Variants in CNTNAP2 observed in about 807,000 individuals in gnomAD.
The protein encoded by CNTNAP2 is contactin associated protein 2.
Under a neutral mutation model 155.2 loss-of-function variants are expected in CNTNAP2, and 98 were observed. The observed-to-expected ratio is 0.63, with a 90% CI of 0.54 to 0.75. The LOEUF is 0.75. Ranked by LOEUF, CNTNAP2 falls within the 30% of genes least tolerant of loss-of-function variation. CNTNAP2 has a pLI of 0.00. For synonymous variants in CNTNAP2, 651 were observed against 631.2 expected (o/e 1.03, Z -0.47); for missense variants, 1,727 against 1,688.1 (o/e 1.02, Z -0.40).
intron 13 of CNTNAP2, among the ~76,000 whole-genome samples, chr7:147,717,120 A>G (rs1284707619): frequency 1.3e-5 from 2 of 152,110 alleles, no homozygotes; most frequent in Non-Finnish European, 2.9e-5. Context: ...TCTAAAGAAA[A>G]AAAAAGGAGA....
In CNTNAP2 at chr7:146,246,241, T is replaced by A. The variant is rs376054652; in HGVS notation, c.97+129268T>A. On this transcript the variant is annotated intron_variant, in intron 1 of 23. Coordinates refer to ENST00000361727, the MANE Select transcript of CNTNAP2 (RefSeq NM_014141.6). Reference sequence around the variant, plus strand: ...CTTATACTTGTGGGTTAAGGTGGGGTAATACAAGAGGAGGACGCAAAGGAG... The same window carrying A: ...CTTATACTTGTGGGTTAAGGTGGGGAAATACAAGAGGAGGACGCAAAGGAG... 6.2e-4 allele frequency among the ~76,000 whole-genome samples: 91 copies of A among 147,816 alleles called. 1 individual carries two copies. The highest frequency in any genetic ancestry group is 7.1e-3 in the Middle Eastern group (2 of 280).
chr7:147,064,183 T>A (rs907569745), intron 4 of CNTNAP2, among the ~76,000 whole-genome samples: 5 of 151,000 alleles, frequency 3.3e-5, no homozygotes, highest in Non-Finnish European at 7.4e-5. Flanking sequence ...TAATGTGTCA[T>A]TTTAATTTTT....
intron 1 of CNTNAP2, among the ~76,000 whole-genome samples, chr7:146,588,530 TTA>T (rs201529456): frequency 0.24 from 33,533 of 140,420 alleles, 4,589 homozygotes; most frequent in Non-Finnish European, 0.33. Flanking sequence ...TTTTTTTTTT[TTA>T]AATTTACTCT....
chr7:147,811,461 G>A lies in CNTNAP2; in HGVS notation c.2099-92104G>A, dbSNP rs572467307. On this transcript the variant is annotated intron_variant, in intron 13 of 23. Coordinates refer to ENST00000361727, the MANE Select transcript of CNTNAP2 (RefSeq NM_014141.6). ...CACCAAATCATGGCTTTCAGATCCA[G>A]AGTTACAAATTGCCTCCCAACTCAG... Among the ~76,000 whole-genome samples, 83 of 152,168 alleles carry A rather than the reference G, an allele frequency of 5.5e-4. 2 individuals carry two copies. In the South Asian group the frequency reaches 0.016, roughly 29 times the overall value.
At chr7:147,641,087 A>G in intron 13 of CNTNAP2, among the ~76,000 whole-genome samples, 1 of 152,228 alleles carries the variant, frequency 6.6e-6, no homozygotes, top group African/African-American at 2.4e-5. Context: ...CCAGTTTCTA[A>G]TGGCCGGTAT....
At chr7:147,941,403 A>G (rs1034171086) in intron 14 of CNTNAP2, among the ~76,000 whole-genome samples, 4 of 152,160 alleles carry the variant, frequency 2.6e-5, no homozygotes, top group African/African-American at 4.8e-5. Flanking sequence ...TTTTCTGGAA[A>G]TAGGTCTCCT....
At chr7:146,188,716 CCCA>C (rs933904309) in intron 1 of CNTNAP2, among the ~76,000 whole-genome samples, 8 of 152,120 alleles carry the variant, frequency 5.3e-5, no homozygotes, top group Admixed American at 4.6e-4. Flanking sequence ...AATCAGCATA[CCCA>C]CCACCAACCA....
chr7:146,288,496 T>G (rs1800374983), intron 1 of CNTNAP2, among the ~76,000 whole-genome samples: 1 of 152,064 alleles, frequency 6.6e-6, no homozygotes, highest in Non-Finnish European at 1.5e-5. Context: ...TAATGTTGTT[T>G]GATTAGACGT....
At chr7:146,133,234 TC>T (rs1271841506) in intron 1 of CNTNAP2, among the ~76,000 whole-genome samples, 2 of 152,232 alleles carry the variant, frequency 1.3e-5, no homozygotes, top group Non-Finnish European at 2.9e-5. Context: ...TCTGTTCATG[TC>T]CTTTGCCCAC....
At chr7:147,737,430 C>T (rs1014580411) in intron 13 of CNTNAP2, among the ~76,000 whole-genome samples, 2 of 152,122 alleles carry the variant, frequency 1.3e-5, no homozygotes, top group South Asian at 2.1e-4. Flanking sequence ...TCAGTCTGCC[C>T]CTACTGGGGG....
At chr7:147,572,364 C>T (rs912299359) in intron 12 of CNTNAP2, among the ~76,000 whole-genome samples, 2 of 147,650 alleles carry the variant, frequency 1.4e-5, no homozygotes, top group Admixed American at 6.6e-5. Context: ...GGAGAGGACC[C>T]AGAAAGGGGG....
chr7:146,869,042 C>T (rs182697345), intron 3 of CNTNAP2, among the ~76,000 whole-genome samples: 13 of 152,290 alleles, frequency 8.5e-5, no homozygotes, highest in Non-Finnish European at 1.5e-4. Context: ...GCTAGGACTT[C>T]CAATCCTATG....
intron 15 of CNTNAP2, 90 bp from the exon 16 acceptor site, chr7:148,118,028 T>C (rs560759993): frequency 1.5e-6 from 2 of 1,306,034 alleles, no homozygotes; most frequent in East Asian, 2.3e-5. Context: ...TTGCTAATGG[T>C]ACTTATTAAA....
At chr7:148,151,676 T>G (rs1427127903) in intron 17 of CNTNAP2, among the ~76,000 whole-genome samples, 2 of 152,216 alleles carry the variant, frequency 1.3e-5, no homozygotes. Flanking sequence ...TCTTCCTCCA[T>G]GTAATAGTTA....
intron 8 of CNTNAP2, among the ~76,000 whole-genome samples, chr7:147,141,379 C>T (rs1411340176): frequency 3.3e-5 from 5 of 152,040 alleles, no homozygotes; most frequent in African/African-American, 7.2e-5. Context: ...AGGGTATAGG[C>T]GTTATGAGCA....
At chr7:147,986,542 T>G (rs566842011) in intron 15 of CNTNAP2, among the ~76,000 whole-genome samples, 1 of 152,260 alleles carries the variant, frequency 6.6e-6, no homozygotes, top group East Asian at 1.9e-4. Context: ...ATTTTACAGA[T>G]CAGGGGTCTG....
At chr7:146,895,613 G>A (rs530415413) in intron 3 of CNTNAP2, among the ~76,000 whole-genome samples, 4 of 152,034 alleles carry the variant, frequency 2.6e-5, no homozygotes, top group African/African-American at 9.6e-5. Context: ...ATATTTATGG[G>A]GTACATCTAT....
At chr7:146,414,527 C>T (rs954278930) in intron 1 of CNTNAP2, among the ~76,000 whole-genome samples, 1 of 152,168 alleles carries the variant, frequency 6.6e-6, no homozygotes, top group Non-Finnish European at 1.5e-5. Context: ...GAGACTATTT[C>T]TCCATAGTCC....
intron 21 of CNTNAP2, among the ~76,000 whole-genome samples, chr7:148,342,061 T>C (rs1363635762): frequency 6.6e-6 from 1 of 152,338 alleles, no homozygotes; most frequent in East Asian, 1.9e-4. Context: ...AATTTCTTCT[T>C]GTCAGAATCA....
Sources: gnomAD v4.1 joint callset for allele counts (sites outside exome capture counted in the v4.1 genomes callset) on GRCh38, gnomAD v4.1.1 for gene constraint, MANE v1.5 for transcripts, NCBI Gene and HGNC (gene_info 2026-07-23, HGNC 2026-07-21) for gene names.